PDK1: variants seen among roughly 807,000 people sequenced by gnomAD.
PDK1 encodes the protein pyruvate dehydrogenase kinase 1.
In PDK1, 39 loss-of-function variants were observed where a neutral mutation model predicts 54.2. That is an observed-to-expected ratio of 0.72 (90% CI 0.56 to 0.94). The LOEUF (loss-of-function observed/expected upper bound fraction) is 0.94. Ranked by LOEUF, PDK1 falls within the 40% of genes least tolerant of loss-of-function variation. The pLI, the probability that PDK1 is intolerant of heterozygous loss-of-function variation, is 0.00. For missense variants in PDK1, 552 were observed against 566.0 expected (o/e 0.98, Z 0.25); for synonymous variants, 221 against 207.1 (o/e 1.07, Z -0.58).
chr2:172,646,758 A>ATTTTTTTTTTTTTTTTTTTTT, the PDK1 span, among the ~76,000 whole-genome samples: 1 of 22,112 alleles, frequency 4.5e-5, no homozygotes, highest in African/African-American at 1.1e-4. Context: ...TTTTTTTGAG[A>ATTTTTTTTTTTTTTTTTTTTT]TAGAGTTTTG....
the PDK1 span, among the ~76,000 whole-genome samples, chr2:172,679,834 C>T: frequency 1.3e-5 from 2 of 152,168 alleles, no homozygotes; most frequent in Admixed American, 6.6e-5. Flanking sequence ...GAAACCAGGT[C>T]GAACACAGGT....
chr2:172,577,826 T>C (rs190867011), intron 8 of PDK1, among the ~76,000 whole-genome samples: 1 of 152,224 alleles, frequency 6.6e-6, no homozygotes, highest in Non-Finnish European at 1.5e-5. Flanking sequence ...TTCAATTGTC[T>C]TTTAAATCAG....
the PDK1 span, among the ~76,000 whole-genome samples, chr2:172,715,664 C>T: frequency 6.6e-6 from 1 of 152,086 alleles, no homozygotes; most frequent in Non-Finnish European, 1.5e-5. Context: ...AGGCAAAGAA[C>T]ACATGATGGG....
chr2:172,562,776 T>G (rs759794432), intron 3 of PDK1: 1 of 1,610,520 alleles, frequency 6.2e-7, no homozygotes, highest in Admixed American at 1.7e-5. Context: ...GTCTCTAGTT[T>G]ATGCTGTATG....
At chr2:172,679,040 A>G in the PDK1 span, 8 of 152,348 alleles carry the variant, frequency 5.3e-5, no homozygotes, top group East Asian at 1.2e-3. Context: ...AGCAATAATA[A>G]TTGAACATTC....
At chr2:172,618,719 C>T in the PDK1 span, among the ~76,000 whole-genome samples, 1 of 152,124 alleles carries the variant, frequency 6.6e-6, no homozygotes, top group South Asian at 2.1e-4. Context: ...TGGGAGAGTT[C>T]TTAGAAAATA....
chr2:172,689,965 A>G, the PDK1 span, among the ~76,000 whole-genome samples: 7 of 150,468 alleles, frequency 4.7e-5, 1 homozygote, highest in Admixed American at 4.1e-4. Flanking sequence ...CTAAAACACC[A>G]AAAGCAATGG....
chr2:172,591,069 G>A (rs1052503283), intron 9 of PDK1, among the ~76,000 whole-genome samples: 4 of 152,146 alleles, frequency 2.6e-5, no homozygotes, highest in African/African-American at 4.8e-5. Context: ...AAGGGCCAGC[G>A]GGTCAGTCCA....
chr2:172,561,004 T>TA (rs1462953420), intron 2 of PDK1, among the ~76,000 whole-genome samples: 1 of 152,232 alleles, frequency 6.6e-6, no homozygotes, highest in Non-Finnish European at 1.5e-5. Context: ...AATCGCAATT[T>TA]AAAAAAGCAA....
downstream of PDK1, among the ~76,000 whole-genome samples, chr2:172,611,451 T>TA (rs1283884174): frequency 6.6e-6 from 1 of 151,890 alleles, no homozygotes; most frequent in Admixed American, 6.6e-5. Context: ...ATCAAACATT[T>TA]AAAAAAAATT....
the PDK1 span, among the ~76,000 whole-genome samples, chr2:172,645,232 C>CT: frequency 8.2e-6 from 1 of 122,418 alleles, no homozygotes; most frequent in Non-Finnish European, 1.6e-5. Flanking sequence ...ATTTAAAAGG[C>CT]TTAGCAATGT....
At chr2:172,618,966 G>C in the PDK1 span, among the ~76,000 whole-genome samples, 1 of 152,170 alleles carries the variant, frequency 6.6e-6, no homozygotes, top group Non-Finnish European at 1.5e-5. Flanking sequence ...ATCCCCAGCA[G>C]CTTGGAGTTA....
intron 1 of PDK1, chr2:172,558,343 C>T: frequency 5.8e-6 from 1 of 171,738 alleles, no homozygotes; most frequent in East Asian, 1.6e-4. Context: ...ACGGGGTGTA[C>T]AGGATAGACT....
chr2:172,649,616 G>C, the PDK1 span, among the ~76,000 whole-genome samples: 1 of 152,106 alleles, frequency 6.6e-6, no homozygotes, highest in Non-Finnish European at 1.5e-5. Context: ...TGGCTAACTA[G>C]AATAAAGAGC....
the PDK1 span, among the ~76,000 whole-genome samples, chr2:172,678,574 T>C: frequency 6.6e-6 from 1 of 152,218 alleles, no homozygotes; most frequent in Non-Finnish European, 1.5e-5. Context: ...CATTGCCTAA[T>C]GCTTTTTGAT....
chr2:172,703,971 A>G, the PDK1 span, among the ~76,000 whole-genome samples: 3 of 151,242 alleles, frequency 2.0e-5, no homozygotes, highest in African/African-American at 7.3e-5. Flanking sequence ...ACAGGGTTTC[A>G]CCATGTTAGC....
At position 172,603,129 on chromosome 2, in the gene PDK1, T is replaced by A. The variant is rs947522706; in HGVS notation, c.*7160T>A. 1 of 152,200 alleles carries A rather than the reference T, an allele frequency of 6.6e-6. No individual in the cohort carries two copies. Among genetic ancestry groups the A allele is most frequent in the African/African-American group, 2.4e-5 (1 of 41,440 alleles). 9.4% of individuals were successfully genotyped at this position (152,200 alleles called of 1,614,324 possible). ...ACAAGTTTCCTGGTGATATTAATGC[T>A]GCTGGTCTGTGAGCCATACTTTGAG... On this transcript the variant is annotated 3_prime_UTR_variant, in exon 11 of 11. Transcript: ENST00000282077.
At chr2:172,590,259 G>A (rs1690493842) in intron 9 of PDK1, among the ~76,000 whole-genome samples, 1 of 152,158 alleles carries the variant, frequency 6.6e-6, no homozygotes, top group Non-Finnish European at 1.5e-5. Flanking sequence ...ATATGATATT[G>A]CCAAGAGCAG....
the PDK1 span, among the ~76,000 whole-genome samples, chr2:172,618,818 C>T: frequency 7.9e-4 from 120 of 152,290 alleles, 1 homozygote; most frequent in African/African-American, 2.9e-3. Flanking sequence ...GCTGATCCTT[C>T]TGGGAGTTCC....
Sources: gnomAD v4.1 joint callset for allele counts (sites outside exome capture counted in the v4.1 genomes callset) on GRCh38, gnomAD v4.1.1 for gene constraint, MANE v1.5 for transcripts, NCBI Gene and HGNC (gene_info 2026-07-23, HGNC 2026-07-21) for gene names.